Variants in METTL17 observed in about 807,000 individuals in gnomAD.
METTL17 encodes ribosome assembly protein METTL17, mitochondrial.
METTL17 carries 49 observed loss-of-function variants against 59.4 expected under a neutral mutation model. The ratio of observed to expected loss-of-function variants is 0.82; its 90% CI spans 0.66 to 1.05. METTL17 has a LOEUF of 1.05. Among genes scored for constraint, METTL17 ranks in the 50% least tolerant of loss-of-function variants. The pLI, the probability that METTL17 is intolerant of heterozygous loss-of-function variation, is 0.00. For missense variants in METTL17, 555 were observed against 578.4 expected, an observed-to-expected ratio of 0.96 and a Z score of 0.41; for synonymous variants, 208 against 209.2, an observed-to-expected ratio of 0.99 and a Z score of 0.05.
rs1190153740 is a variant in METTL17 at position 20,990,564 on chromosome 14, T to C, written c.330T>C (p.Ala110=). 6.2e-7 allele frequency: 1 copy of C among 1,614,114 alleles called. No homozygotes were observed. The highest frequency in any genetic ancestry group is 1.3e-5 in the African/African-American group (1 of 74,952). ...AGCCAGAGGAGTTGCAAAGACGGGCTAGGCATCTTGAGAAAAAATTCCTGG... is the reference window on the plus strand; with the variant it reads ...AGCCAGAGGAGTTGCAAAGACGGGCCAGGCATCTTGAGAAAAAATTCCTGG... ...PVEPEELQRR[A]RHLEKKFLEN... Residue 110 remains alanine, a synonymous_variant, in exon 3 of 14, where the codon GCT becomes GCC. Transcript: ENST00000339374.
chr14:20,993,347 G>A, intron 6 of METTL17, 156 bp downstream of exon 6: 1 of 619,286 alleles, frequency 1.6e-6, no homozygotes, highest in South Asian at 2.1e-5. Flanking sequence ...GGCAGAAGAA[G>A]GTATATGGAT....
At chr14:20,996,485 A>C in intron 12 of METTL17, 42 bp from the exon 13 acceptor site, 1 of 1,573,208 alleles carries the variant, frequency 6.4e-7, no homozygotes, top group Non-Finnish European at 8.6e-7. Context: ...CTTTTTTCCC[A>C]TATCTTTTTC....
At chr14:20,992,924 G>C in intron 5 of METTL17, 194 bp from the exon 6 acceptor site, 2 of 615,464 alleles carry the variant, frequency 3.2e-6, no homozygotes, top group Non-Finnish European at 2.9e-6. Context: ...TCTTTATCCT[G>C]TGAAAGCTTT....
intron 3 of METTL17, chr14:20,991,858 TTAATA>T (rs1880044470): frequency 3.0e-6 from 1 of 338,856 alleles, no homozygotes; most frequent in East Asian, 8.8e-5. Flanking sequence ...ACACTTTCCT[TTAATA>T]TAAAACAAAC....
intron 5 of METTL17, 75 bp from the exon 6 acceptor site, chr14:20,993,043 C>T: frequency 8.0e-7 from 1 of 1,251,496 alleles, no homozygotes; most frequent in Non-Finnish European, 1.2e-6. Context: ...CTGTGATAGC[C>T]TCCTAATTCA....
intron 3 of METTL17, 70 bp from the exon 4 acceptor site, chr14:20,992,054 T>C (rs1393177812): frequency 7.3e-7 from 1 of 1,378,624 alleles, no homozygotes; most frequent in African/African-American, 1.4e-5. Flanking sequence ...GGGTGGGCAG[T>C]ATATTCAGAT....
In METTL17 at chr14:20,996,699, G is replaced by C. The variant is rs139452603; in HGVS notation, c.1253G>C (p.Arg418Pro). Residue 418 changes from arginine (R) to proline (P), a missense_variant, in exon 13 of 14, where the codon CGC becomes CCC. Transcript: ENST00000339374. The part of the protein sequence containing the change: ...GHMQHAVLTA[R>P]RHGRDLYRCA... The stretch of plus-strand genomic sequence containing the variant: ...ATGCAGCATGCTGTGCTCACAGCCC[G>C]CCGGCACGGCAGGTATGGGGGGTGT... 12 of 1,614,112 alleles carry C rather than the reference G, an allele frequency of 7.4e-6. No individual in the cohort carries two copies. The highest frequency in any genetic ancestry group is 9.3e-6 in the Non-Finnish European group (11 of 1,180,054).
chr14:20,993,920 G>T, intron 6 of METTL17, 49 bp from the exon 7 acceptor site: 2 of 1,441,614 alleles, frequency 1.4e-6, no homozygotes, highest in South Asian at 2.3e-5. Flanking sequence ...TTGTAGAGAT[G>T]ACTCTTGGTC....
intron 3 of METTL17, 120 bp from the exon 4 acceptor site, chr14:20,992,004 T>G: frequency 5.6e-5 from 49 of 880,268 alleles, no homozygotes; most frequent in Non-Finnish European, 7.8e-5. Context: ...TCGTCTCCCT[T>G]GAGCTTTAAG....
At chr14:20,991,351 C>G (rs1182819620) in intron 3 of METTL17, among the ~76,000 whole-genome samples, 2 of 152,110 alleles carry the variant, frequency 1.3e-5, no homozygotes, top group Admixed American at 6.5e-5. Context: ...CTGCACACCT[C>G]ACAGTACCTG....
In METTL17 at chr14:20,992,548, G is replaced by A. The variant is rs758787257; in HGVS notation, c.454G>A (p.Glu152Lys). Residue 152 changes from glutamate to lysine, a missense_variant, in exon 5 of 14, where the codon GAG (glutamate) becomes AAG (lysine). Physicochemically the swap from Glu to Lys is moderately conservative, Grantham distance 56. Transcript: ENST00000339374. ...TYHWQELSYTEGLSLVYMAAR... is the reference protein window; with the variant it reads ...TYHWQELSYTKGLSLVYMAAR... ...CTGTGATTTTAATGGCAGCTACACT[G>A]AGGGACTGAGCCTGGTGTATATGGC... 8 of 1,613,408 alleles carry A rather than the reference G, an allele frequency of 5.0e-6. No homozygotes were observed. Among genetic ancestry groups the A allele is most frequent in the Admixed American group, 3.3e-5 (2 of 60,004 alleles).
At chr14:20,993,241 C>G in intron 6 of METTL17, 50 bp downstream of exon 6, 1 of 1,476,360 alleles carries the variant, frequency 6.8e-7, no homozygotes, top group Non-Finnish European at 9.5e-7. Flanking sequence ...CTCTAGAAAG[C>G]CATACTTACA....
intron 5 of METTL17, 177 bp downstream of exon 5, chr14:20,992,799 AG>A (rs1192468262): frequency 3.2e-6 from 2 of 619,856 alleles, no homozygotes; most frequent in Non-Finnish European, 5.7e-6. Flanking sequence ...AGGCTGAGGC[AG>A]GAGGATTGCT....
chr14:20,990,740 C>T, intron 3 of METTL17, 142 bp downstream of exon 3: 2 of 1,021,704 alleles, frequency 2.0e-6, no homozygotes, highest in East Asian at 2.6e-5. Flanking sequence ...TACAATGATG[C>T]CTTACTAAAA....
rs890768624 is a variant in METTL17, at chr14:20,991,950, A to C, written c.365-174A>C. The C allele has an allele frequency of 8.3e-6, 5 of 601,882 alleles. No homozygotes were observed. In the Admixed American group the frequency reaches 1.7e-4, roughly 21 times the overall value. The allele number at this position is 601,882 out of a possible 1,614,324, so 37.3% of individuals were successfully genotyped here. A position where few individuals can be genotyped will look rare whatever the true frequency, so the allele number is the denominator to read the frequency against. On this transcript the variant is annotated intron_variant, in intron 3 of 13. Coordinates refer to ENST00000339374, the MANE Select transcript of METTL17 (RefSeq NM_022734.3). ...CTATCTGATACAATCTGTTAGTGGT[A>C]GTTGTTACCGTTAATTCTTGCCTGA... is the stretch of plus-strand genomic sequence containing the variant.
At chr14:20,996,481 T>C (rs1467666640) in intron 12 of METTL17, 46 bp from the exon 13 acceptor site, 1 of 1,572,286 alleles carries the variant, frequency 6.4e-7, no homozygotes, top group Non-Finnish European at 8.6e-7. Flanking sequence ...CAAACTTTTT[T>C]CCCATATCTT....
chr14:20,996,356 CA>C lies in METTL17; in HGVS notation c.1080+65del, dbSNP rs1340860892. On this transcript the variant is annotated intron_variant, in intron 12 of 13. Coordinates refer to ENST00000339374, the MANE Select transcript of METTL17 (RefSeq NM_022734.3). ...CTGGAAAAACAGGAAGAAAAAGAAT[CA>C]GAGTTAGGAGGAGTTGGATAATTTG... is the stretch of plus-strand genomic sequence containing the variant. 1.9e-6 allele frequency: 3 copies of C among 1,562,144 alleles called. No individual in the cohort carries two copies. The East Asian group carries it at 6.7e-5, about 35-fold the overall frequency.
At chr14:20,995,729 G>C in intron 10 of METTL17, 172 bp from the exon 11 acceptor site, 1 of 603,532 alleles carries the variant, frequency 1.7e-6, no homozygotes. Flanking sequence ...GCAGCAAAGA[G>C]AAAGTTCTTT....
chr14:20,990,357 C>G lies in METTL17; in HGVS notation c.203C>G (p.Ala68Gly), dbSNP rs778713008. Residue 68 changes from alanine (A) to glycine (G), a missense_variant, in exon 2 of 14, where the codon GCT becomes GGT. Physicochemically the swap from Ala to Gly is moderately conservative, Grantham distance 60 (BLOSUM62 0). Coordinates refer to ENST00000339374, the MANE Select transcript of METTL17 (RefSeq NM_022734.3). ...CACGTGCGGCTGCCACAGGCACTGG[C>G]TAACGGTGCCCAGTTATTGCTACTT... is the stretch of plus-strand genomic sequence containing the variant. ...LPHVRLPQAL[A>G]NGAQLLLLGS... is the part of the protein sequence containing the mutation. The G allele has an allele frequency of 4.3e-6, 7 of 1,614,220 alleles. No homozygotes were observed. The Admixed American group carries it at 1.2e-4, about 27-fold the overall frequency.
Sources: gnomAD v4.1 joint callset for allele counts (sites outside exome capture counted in the v4.1 genomes callset) on GRCh38, gnomAD v4.1.1 for gene constraint, MANE v1.5 for transcripts, NCBI Gene and HGNC (gene_info 2026-07-23, HGNC 2026-07-21) for gene names.